The following CDH12 variants were observed in gnomAD, a reference collection of about 807,000 sequenced individuals.
CDH12 encodes the protein cadherin-12.
Under a neutral mutation model 74.1 loss-of-function variants are expected in CDH12, and 41 were observed. That is an observed-to-expected ratio of 0.55 (90% CI 0.43 to 0.72). The LOEUF (loss-of-function observed/expected upper bound fraction) is 0.72. Among genes scored for constraint, CDH12 ranks in the 30% least tolerant of loss-of-function variants. The pLI is 0.00. For synonymous variants in CDH12, 399 were observed against 355.0 expected, an observed-to-expected ratio of 1.12 and a Z score of -1.39; for missense variants, 945 against 977.2, an observed-to-expected ratio of 0.97 and a Z score of 0.44.
chr5:22,165,513 T>TAC (rs375658781), intron 4 of CDH12, among the ~76,000 whole-genome samples: 16,406 of 53,770 alleles, frequency 0.31, 1,281 homozygotes, highest in African/African-American at 0.43. Flanking sequence ...CACACACACA[T>TAC]ACACACACAC....
intron 1 of CDH12, among the ~76,000 whole-genome samples, chr5:22,528,741 A>G (rs184779166): frequency 6.0e-4 from 91 of 152,138 alleles, no homozygotes; most frequent in Middle Eastern, 3.4e-3. Context: ...CAAAGTACCA[A>G]TTTCTTTGAC....
chr5:21,904,479 A>C (rs1339091792), intron 6 of CDH12, among the ~76,000 whole-genome samples: 1 of 152,104 alleles, frequency 6.6e-6, no homozygotes, highest in Non-Finnish European at 1.5e-5. Context: ...TAAGACTATA[A>C]AATTGGGCTG....
intron 1 of CDH12, among the ~76,000 whole-genome samples, chr5:22,845,354 C>A (rs1485927407): frequency 6.6e-6 from 1 of 152,112 alleles, no homozygotes; most frequent in African/African-American, 2.4e-5. Context: ...GTATGTCTCA[C>A]ACCCCTCCCT....
intron 1 of CDH12, among the ~76,000 whole-genome samples, chr5:22,547,085 C>A (rs562627268): frequency 6.6e-6 from 1 of 152,104 alleles, no homozygotes; most frequent in South Asian, 2.1e-4. Context: ...GTTTTATAGA[C>A]CATATGCAGA....
intron 9 of CDH12, among the ~76,000 whole-genome samples, chr5:21,811,014 G>T (rs1306231834): frequency 6.6e-6 from 1 of 151,990 alleles, no homozygotes; most frequent in African/African-American, 2.4e-5. Flanking sequence ...GGACCAACTG[G>T]CACCTTAGCC....
intron 3 of CDH12, among the ~76,000 whole-genome samples, chr5:22,394,719 C>T (rs1296364842): frequency 1.3e-5 from 2 of 152,076 alleles, no homozygotes; most frequent in South Asian, 2.1e-4. Flanking sequence ...TTATGCCAAG[C>T]CCACCATTAT....
At chr5:22,776,145 G>C (rs2126329176) in intron 1 of CDH12, among the ~76,000 whole-genome samples, 1 of 152,046 alleles carries the variant, frequency 6.6e-6, no homozygotes, top group East Asian at 1.9e-4. Context: ...TGCATGTTCA[G>C]GAACGGTCAG....
At chr5:22,579,546 TG>T (rs1457385266) in intron 1 of CDH12, among the ~76,000 whole-genome samples, 1 of 152,160 alleles carries the variant, frequency 6.6e-6, no homozygotes, top group African/African-American at 2.4e-5. Context: ...TTTTTTATAT[TG>T]TTGTTCTGAT....
chr5:22,249,084 C>A (rs1217890635), intron 3 of CDH12, among the ~76,000 whole-genome samples: 1 of 151,784 alleles, frequency 6.6e-6, no homozygotes. Flanking sequence ...TCTGTGAATA[C>A]CCCCCAAAAT....
chr5:22,390,413 A>C (rs1000032561), intron 3 of CDH12, among the ~76,000 whole-genome samples: 13 of 152,150 alleles, frequency 8.5e-5, no homozygotes, highest in African/African-American at 3.1e-4. Flanking sequence ...AGCTTCTTTC[A>C]TATAAATTTT....
chr5:22,711,685 T>G (rs1743295306), intron 1 of CDH12, among the ~76,000 whole-genome samples: 1 of 152,106 alleles, frequency 6.6e-6, no homozygotes. Context: ...GGAAATTTTT[T>G]ATTGCTTTTC....
chr5:22,762,985 T>TAA (rs534916916), intron 1 of CDH12, among the ~76,000 whole-genome samples: 8 of 149,228 alleles, frequency 5.4e-5, no homozygotes, highest in African/African-American at 1.5e-4. Context: ...CACTGAAAAT[T>TAA]AAAAAAAAAA....
chr5:22,301,425 A>G (rs1737874490), intron 3 of CDH12, among the ~76,000 whole-genome samples: 1 of 152,202 alleles, frequency 6.6e-6, no homozygotes, highest in Non-Finnish European at 1.5e-5. Context: ...TGCATAAAGA[A>G]AAATGACTAA....
At chr5:22,243,763 C>T (rs1309797762) in intron 3 of CDH12, among the ~76,000 whole-genome samples, 3 of 152,104 alleles carry the variant, frequency 2.0e-5, no homozygotes, top group Non-Finnish European at 4.4e-5. Context: ...AATCCTGACA[C>T]TCACAATGTG....
At chr5:21,912,040 TTG>T in intron 6 of CDH12, among the ~76,000 whole-genome samples, 1 of 152,086 alleles carries the variant, frequency 6.6e-6, no homozygotes, top group East Asian at 1.9e-4. Context: ...TTTGGTTTGT[TTG>T]TGTGTTTTAC....
At chr5:21,840,431 T>C (rs1325065273) in intron 8 of CDH12, among the ~76,000 whole-genome samples, 1 of 77,022 alleles carries the variant, frequency 1.3e-5, no homozygotes, top group African/African-American at 2.0e-4. Flanking sequence ...AGATTTGTAA[T>C]TTTTTTTTTT....
At chr5:22,114,579 T>A (rs1435990541) in intron 4 of CDH12, among the ~76,000 whole-genome samples, 1 of 152,220 alleles carries the variant, frequency 6.6e-6, no homozygotes, top group Non-Finnish European at 1.5e-5. Context: ...TTGTAACAAC[T>A]GTTATCATGT....
At chr5:21,999,911 G>A (rs1736507129) in intron 5 of CDH12, among the ~76,000 whole-genome samples, 1 of 151,700 alleles carries the variant, frequency 6.6e-6, no homozygotes, top group African/African-American at 2.4e-5. Context: ...GTGGCAGTTG[G>A]GAGAATTAAA....
chr5:21,962,262 T>C (rs1342768700), intron 6 of CDH12, among the ~76,000 whole-genome samples: 1 of 152,156 alleles, frequency 6.6e-6, no homozygotes, highest in Non-Finnish European at 1.5e-5. Context: ...ATTCAATCTC[T>C]TATTTTAATC....
Sources: gnomAD v4.1 joint callset for allele counts (sites outside exome capture counted in the v4.1 genomes callset) on GRCh38, gnomAD v4.1.1 for gene constraint, MANE v1.5 for transcripts, NCBI Gene and HGNC (gene_info 2026-07-23, HGNC 2026-07-21) for gene names.